Variants in DYNC2I1 observed in about 807,000 individuals in gnomAD.
DYNC2I1 encodes the protein cytoplasmic dynein 2 intermediate chain 1.
Under a neutral mutation model 133.4 loss-of-function variants are expected in DYNC2I1, and 89 were observed. The observed-to-expected ratio is 0.67, with a 90% CI of 0.56 to 0.80. The LOEUF is 0.80. Among genes scored for constraint, DYNC2I1 ranks in the 30% least tolerant of loss-of-function variants. DYNC2I1 has a pLI of 0.00. For missense variants in DYNC2I1, 1,291 were observed against 1,314.5 expected, an observed-to-expected ratio of 0.98 and a Z score of 0.28; for synonymous variants, 504 against 484.3, an observed-to-expected ratio of 1.04 and a Z score of -0.54.
chr7:158,917,652 G>A (rs13225952), intron 14 of DYNC2I1, among the ~76,000 whole-genome samples: 2,861 of 19,614 alleles, frequency 0.15, 29 homozygotes, highest in Middle Eastern at 0.16. Flanking sequence ...TCCGCCTCTC[G>A]CTAAACACCC....
intron 1 of DYNC2I1, among the ~76,000 whole-genome samples, chr7:158,858,140 A>G (rs547065847): frequency 3.9e-5 from 6 of 152,166 alleles, no homozygotes; most frequent in Non-Finnish European, 8.8e-5. Context: ...TTAAGAAGCT[A>G]CTGCCCTGCA....
At chr7:158,918,013 C>T (rs1438109266) in intron 14 of DYNC2I1, among the ~76,000 whole-genome samples, 1 of 152,048 alleles carries the variant, frequency 6.6e-6, no homozygotes, top group Non-Finnish European at 1.5e-5. Flanking sequence ...TTTCTGCCTT[C>T]CTCACTCTCA....
chr7:158,879,573 T>A, intron 4 of DYNC2I1, 111 bp from the exon 5 acceptor site: 2 of 1,176,840 alleles, frequency 1.7e-6, no homozygotes, highest in Admixed American at 2.9e-5. Context: ...CTTCAAATGT[T>A]TTTGATCCGT....
chr7:158,930,035 G>A (rs1466272727), intron 20 of DYNC2I1, among the ~76,000 whole-genome samples: 1 of 152,176 alleles, frequency 6.6e-6, no homozygotes, highest in Non-Finnish European at 1.5e-5. Flanking sequence ...TGAGTCTCTG[G>A]GATGGTGGAG....
At chr7:158,847,697 G>A in the DYNC2I1 span, among the ~76,000 whole-genome samples, 1 of 152,188 alleles carries the variant, frequency 6.6e-6, no homozygotes, top group Non-Finnish European at 1.5e-5. Flanking sequence ...AAAGAGTGCT[G>A]GATTGGGCCT....
intron 14 of DYNC2I1, among the ~76,000 whole-genome samples, chr7:158,916,941 C>T (rs867495065): frequency 8.3e-5 from 6 of 72,194 alleles, no homozygotes; most frequent in African/African-American, 1.5e-4. Context: ...AACGTCTACA[C>T]GCTGGTTGAC....
Position 158,922,573 on chromosome 7 carries a change from A to G in DYNC2I1, c.2094+24A>G, listed in dbSNP as rs6459913. On this transcript the variant is annotated intron_variant, in intron 16 of 24. Transcript: ENST00000407559. ...AGGTACAGCTCAGGATGAGAGTCGC[A>G]CGTTTGATGGGAGGATGGGCAGTGG... is the stretch of plus-strand genomic sequence containing the variant. The G allele has an allele frequency of 0.3, 476,928 of 1,604,702 alleles. 75,113 individuals are homozygous for G. The highest frequency in any genetic ancestry group is 0.59 in the East Asian group (26,384 of 44,696).
chr7:158,891,699 G>C (rs572721230), intron 8 of DYNC2I1, among the ~76,000 whole-genome samples: 1 of 152,216 alleles, frequency 6.6e-6, no homozygotes, highest in Non-Finnish European at 1.5e-5. Context: ...CTGTGTGTAA[G>C]TTGAAGAAAG....
At chr7:158,929,037 G>A (rs1472757715) in intron 20 of DYNC2I1, among the ~76,000 whole-genome samples, 2 of 152,186 alleles carry the variant, frequency 1.3e-5, no homozygotes, top group Non-Finnish European at 2.9e-5. Context: ...GTCATATAAA[G>A]GATATCCTGG....
intron 21 of DYNC2I1, among the ~76,000 whole-genome samples, chr7:158,932,606 C>G (rs770338217): frequency 6.6e-6 from 1 of 152,170 alleles, no homozygotes; most frequent in Admixed American, 6.5e-5. Context: ...TGGTCAGGAG[C>G]CATTGCAGCA....
chr7:158,914,870 G>C (rs1420646642), intron 14 of DYNC2I1, among the ~76,000 whole-genome samples: 2 of 152,160 alleles, frequency 1.3e-5, no homozygotes, highest in Non-Finnish European at 2.9e-5. Context: ...TCCAAATACA[G>C]TTCAGTATGA....
chr7:158,853,320 G>A (rs1275784478), upstream of DYNC2I1, among the ~76,000 whole-genome samples: 1 of 152,114 alleles, frequency 6.6e-6, no homozygotes, highest in African/African-American at 2.4e-5. Flanking sequence ...ATGGGAAGAG[G>A]GAGATGGACA....
intron 4 of DYNC2I1, among the ~76,000 whole-genome samples, chr7:158,951,824 C>T (rs1852060517): frequency 6.6e-6 from 1 of 152,196 alleles, no homozygotes. Context: ...CCTCCTACCT[C>T]CCTGCATCCA....
chr7:158,915,738 CAT>C (rs1848126619), intron 14 of DYNC2I1, among the ~76,000 whole-genome samples: 2 of 104,460 alleles, frequency 1.9e-5, no homozygotes, highest in South Asian at 6.0e-4. Context: ...CGCTGGTTGA[CAT>C]TAAGGATGAT....
intron 3 of DYNC2I1, among the ~76,000 whole-genome samples, chr7:158,875,091 C>CTT (rs35170585): frequency 0.21 from 23,364 of 110,460 alleles, 3,152 homozygotes; most frequent in East Asian, 0.46. Context: ...TGGTAAATGC[C>CTT]TTTTTTTTTT....
chr7:158,942,034 C>G lies in DYNC2I1; in HGVS notation c.2888C>G (p.Ser963Cys), dbSNP rs1184410229. The G allele has an allele frequency of 1.9e-6, 3 of 1,613,376 alleles. No individual in the cohort carries two copies. Among genetic ancestry groups the G allele is most frequent in the Admixed American group, 3.3e-5 (2 of 59,988 alleles). The change falls in exon 24 of 25, where the codon TCC becomes TGC. Residue 963 changes from serine to cysteine, a missense_variant. By Grantham distance (112) the Ser-to-Cys change is moderately radical. Transcript: ENST00000407559. ...DSHAVTGLQW[S>C]PTRPAVFLVQ... ...CATGCGGTCACCGGCCTGCAGTGGTCCCCAACCAGGCCTGCCGTGTTCCTG... is the reference window on the plus strand; with the variant it reads ...CATGCGGTCACCGGCCTGCAGTGGTGCCCAACCAGGCCTGCCGTGTTCCTG...
At chr7:158,891,767 G>A (rs1295741473) in intron 8 of DYNC2I1, among the ~76,000 whole-genome samples, 1 of 152,214 alleles carries the variant, frequency 6.6e-6, no homozygotes, top group Non-Finnish European at 1.5e-5. Flanking sequence ...CCAGGCCATG[G>A]TTGCTGAGAA....
downstream of DYNC2I1, among the ~76,000 whole-genome samples, chr7:158,946,728 G>T (rs1851897042): frequency 6.6e-6 from 1 of 152,216 alleles, no homozygotes; most frequent in South Asian, 2.1e-4. Flanking sequence ...TCTGGGGTGA[G>T]GACAGGAAAA....
chr7:158,953,401 C>T lies in DYNC2I1; in HGVS notation c.*57-3182C>T, dbSNP rs113004393. On this transcript the variant is annotated intron_variant and NMD_transcript_variant, in intron 4 of 4. Transcript: ENST00000454771. ...TTATGCAGGTTAGAATAAAGTAATTCTCTTAAATATGATGGTATTATTTAA... is the reference window on the plus strand; with the variant it reads ...TTATGCAGGTTAGAATAAAGTAATTTTCTTAAATATGATGGTATTATTTAA... 1.9e-3 allele frequency among the ~76,000 whole-genome samples: 284 copies of T among 152,334 alleles called. 3 individuals carry two copies. Among genetic ancestry groups the T allele is most frequent in the African/African-American group, 6.3e-3 (264 of 41,576 alleles).
Sources: allele counts gnomAD v4.1 joint callset (sites outside exome capture counted in the v4.1 genomes callset), GRCh38; gene constraint gnomAD v4.1.1; transcripts MANE v1.5; gene names NCBI Gene and HGNC (gene_info 2026-07-23, HGNC 2026-07-21).